The following VTI1A variants were observed in gnomAD, a reference collection of about 807,000 sequenced individuals.
The protein encoded by VTI1A is vesicle transport through interaction with t-SNAREs 1A, also known as vesicle transport through interaction with t-SNAREs homolog 1A.
A neutral mutation model predicts 34.9 loss-of-function variants in VTI1A; 22 were observed. The observed-to-expected ratio is 0.63, with a 90% CI of 0.45 to 0.90. VTI1A has a LOEUF of 0.90. Ranked by LOEUF, VTI1A falls within the 40% of genes least tolerant of loss-of-function variation. VTI1A has a pLI of 0.00. For missense variants in VTI1A, 268 were observed against 275.6 expected (o/e 0.97, Z 0.20); for synonymous variants, 87 against 97.3 (o/e 0.89, Z 0.62).
downstream of VTI1A, among the ~76,000 whole-genome samples, chr10:112,823,058 C>G (rs1055966911): frequency 6.6e-6 from 1 of 152,174 alleles, no homozygotes; most frequent in Non-Finnish European, 1.5e-5. Flanking sequence ...TCTACACTGC[C>G]CCCTGAGATG....
At chr10:112,471,167 T>C (rs2134070708) in intron 3 of VTI1A, among the ~76,000 whole-genome samples, 1 of 152,272 alleles carries the variant, frequency 6.6e-6, no homozygotes, top group East Asian at 1.9e-4. Context: ...GTTTTCTTCA[T>C]TACGGTGGCT....
chr10:112,732,421 A>T (rs1850299262), intron 7 of VTI1A, among the ~76,000 whole-genome samples: 1 of 152,194 alleles, frequency 6.6e-6, no homozygotes, highest in Non-Finnish European at 1.5e-5. Flanking sequence ...GCCTCTCATT[A>T]TTCCTGCCCC....
At chr10:112,638,419 A>T (rs1409592538) in intron 5 of VTI1A, among the ~76,000 whole-genome samples, 1 of 152,212 alleles carries the variant, frequency 6.6e-6, no homozygotes, top group Non-Finnish European at 1.5e-5. Context: ...AAGCTAGAAA[A>T]TTTGTAAGCT....
At chr10:112,663,718 C>T (rs1316345933) in intron 5 of VTI1A, among the ~76,000 whole-genome samples, 1 of 152,208 alleles carries the variant, frequency 6.6e-6, no homozygotes, top group Non-Finnish European at 1.5e-5. Context: ...GACCCAACCA[C>T]TCCATGATCA....
intron 3 of VTI1A, among the ~76,000 whole-genome samples, chr10:112,520,619 A>ATG (rs1186977100): frequency 8.5e-5 from 10 of 118,242 alleles, no homozygotes; most frequent in South Asian, 3.6e-4. Flanking sequence ...TTTAGTCTCT[A>ATG]TATGTGTGTG....
At chr10:112,820,862 A>G (rs1242668852), downstream of VTI1A, among the ~76,000 whole-genome samples, 3 of 152,132 alleles carry the variant, frequency 2.0e-5, no homozygotes, top group Non-Finnish European at 4.4e-5. Flanking sequence ...CAGAGGGTGG[A>G]CAGGTGAGGG....
the VTI1A span, among the ~76,000 whole-genome samples, chr10:112,828,994 C>T: frequency 5.9e-5 from 9 of 152,258 alleles, no homozygotes; most frequent in African/African-American, 2.2e-4. Flanking sequence ...CAGCAGTTCT[C>T]TGGCAATTAA....
intron 7 of VTI1A, among the ~76,000 whole-genome samples, chr10:112,681,008 C>T (rs986565442): frequency 7.2e-5 from 11 of 151,980 alleles, no homozygotes; most frequent in African/African-American, 2.7e-4. Context: ...CTCATCTGCT[C>T]ATAAAGTTAA....
At chr10:112,665,878 G>A (rs530784285) in intron 5 of VTI1A, among the ~76,000 whole-genome samples, 8 of 152,128 alleles carry the variant, frequency 5.3e-5, no homozygotes, top group African/African-American at 1.7e-4. Flanking sequence ...TAGTAATAAC[G>A]TATTTCCTCT....
intron 5 of VTI1A, among the ~76,000 whole-genome samples, chr10:112,570,793 C>T (rs954200057): frequency 2.6e-5 from 4 of 152,228 alleles, no homozygotes; most frequent in South Asian, 2.1e-4. Context: ...CATTTTCCCA[C>T]GTTCCTCCTT....
Position 112,593,067 on chromosome 10 carries a change from A to G in VTI1A, c.427+54737A>G, listed in dbSNP as rs182069424. Among the ~76,000 whole-genome samples, 27 of 152,378 alleles carry G rather than the reference A, an allele frequency of 1.8e-4. 1 individual carries two copies. The highest frequency in any genetic ancestry group is 6.3e-4 in the African/African-American group (26 of 41,578). On this transcript the variant is annotated intron_variant, in intron 5 of 7. Transcript: ENST00000393077. ...AACTAGATGCAGTCATCTTATACCA[A>G]AAGCGAGGATGATCTCCTCTCCCAT...
Position 112,626,320 on chromosome 10 carries a change from A to AT in VTI1A, c.428-41890dup, listed in dbSNP as rs569932203. 7.8e-4 allele frequency among the ~76,000 whole-genome samples: 119 copies of AT among 152,012 alleles called. 1 individual carries two copies. Among genetic ancestry groups the AT allele is most frequent in the African/African-American group, 2.8e-3 (116 of 41,480 alleles). The stretch of plus-strand genomic sequence containing the variant: ...AGCTTCTTCATGTGGCTATATCTTT[A>AT]TTTTTTTTAATCTACATCTTCAAAA... On this transcript the variant is annotated intron_variant, in intron 5 of 7. Coordinates refer to ENST00000393077, the MANE Select transcript of VTI1A (RefSeq NM_145206.4).
chr10:112,827,717 T>G, the VTI1A span: 4 of 152,250 alleles, frequency 2.6e-5, no homozygotes, highest in Non-Finnish European at 5.9e-5. Flanking sequence ...ATAAAATGCC[T>G]AATTCTAAAG....
chr10:112,836,757 G>C, the VTI1A span, among the ~76,000 whole-genome samples: 1 of 152,114 alleles, frequency 6.6e-6, no homozygotes, highest in African/African-American at 2.4e-5. Flanking sequence ...GCGGCGGGGA[G>C]GGGGTATGGA....
At chr10:112,701,838 G>T (rs773014184) in intron 7 of VTI1A, among the ~76,000 whole-genome samples, 4 of 152,128 alleles carry the variant, frequency 2.6e-5, no homozygotes, top group Non-Finnish European at 4.4e-5. Context: ...AATTACTCTG[G>T]AGATTCTAGA....
intron 5 of VTI1A, among the ~76,000 whole-genome samples, chr10:112,612,482 G>T (rs958219671): frequency 6.6e-6 from 1 of 152,128 alleles, no homozygotes; most frequent in African/African-American, 2.4e-5. Flanking sequence ...GCAATAGCAC[G>T]ATCATAACTC....
chr10:112,720,313 C>T (rs1037584720), intron 7 of VTI1A, among the ~76,000 whole-genome samples: 5 of 152,222 alleles, frequency 3.3e-5, no homozygotes, highest in African/African-American at 1.2e-4. Context: ...TGCACTGTTT[C>T]CCAGTCCCAC....
intron 7 of VTI1A, among the ~76,000 whole-genome samples, chr10:112,756,034 A>G (rs895294755): frequency 2.0e-5 from 3 of 152,262 alleles, no homozygotes; most frequent in Middle Eastern, 3.4e-3. Flanking sequence ...CATTTAGAGT[A>G]ATTCCCAGAA....
chr10:112,654,243 C>G (rs1847143079), intron 5 of VTI1A, among the ~76,000 whole-genome samples: 1 of 152,060 alleles, frequency 6.6e-6, no homozygotes, highest in Admixed American at 6.6e-5. Context: ...TGACATTGAC[C>G]AGCAGTTGCC....
Sources: gnomAD v4.1 joint callset for allele counts (sites outside exome capture counted in the v4.1 genomes callset) on GRCh38, gnomAD v4.1.1 for gene constraint, MANE v1.5 for transcripts, NCBI Gene and HGNC (gene_info 2026-07-23, HGNC 2026-07-21) for gene names.